PTPRT: variants seen among roughly 807,000 people sequenced by gnomAD.
PTPRT encodes the protein receptor-type tyrosine-protein phosphatase T.
In PTPRT, 56 loss-of-function variants were observed where a neutral mutation model predicts 176.8. That is an observed-to-expected ratio of 0.32 (90% CI 0.26 to 0.40). The LOEUF is 0.40. Ranked by LOEUF, PTPRT falls within the 10% of genes least tolerant of loss-of-function variation. The pLI, the probability that PTPRT is intolerant of heterozygous loss-of-function variation, is 1.00. For synonymous variants in PTPRT, 783 were observed against 739.0 expected (o/e 1.06, Z -0.96); for missense variants, 1,540 against 1,908.2 (o/e 0.81, Z 3.60).
At chr20:42,713,052 T>C (rs1163722817) in intron 6 of PTPRT, among the ~76,000 whole-genome samples, 1 of 152,072 alleles carries the variant, frequency 6.6e-6, no homozygotes, top group Non-Finnish European at 1.5e-5. Flanking sequence ...CTACAATTTA[T>C]GTAAGAAAAA....
At chr20:42,679,246 C>T (rs1046454317) in intron 6 of PTPRT, among the ~76,000 whole-genome samples, 14 of 151,870 alleles carry the variant, frequency 9.2e-5, no homozygotes, top group Non-Finnish European at 1.9e-4. Flanking sequence ...AAATCTCACA[C>T]GTATCATTCA....
chr20:42,733,318 C>T (rs2076490666), intron 6 of PTPRT, among the ~76,000 whole-genome samples: 1 of 152,178 alleles, frequency 6.6e-6, no homozygotes, highest in South Asian at 2.1e-4. Flanking sequence ...TCTTCTGAAA[C>T]ACGGGCTCAT....
chr20:42,905,488 C>A (rs541448566), intron 1 of PTPRT, among the ~76,000 whole-genome samples: 6 of 152,290 alleles, frequency 3.9e-5, no homozygotes, highest in African/African-American at 1.4e-4. Context: ...ATTAGTTCAA[C>A]CATTGTGGAA....
At chr20:42,843,563 G>A (rs967487583) in intron 2 of PTPRT, among the ~76,000 whole-genome samples, 6 of 152,224 alleles carry the variant, frequency 3.9e-5, no homozygotes, top group African/African-American at 1.4e-4. Context: ...GATAACCTCT[G>A]GTGGCCTGAA....
intron 1 of PTPRT, among the ~76,000 whole-genome samples, chr20:43,020,721 T>C (rs143260460): frequency 1.3e-3 from 197 of 152,288 alleles, no homozygotes; most frequent in Non-Finnish European, 2.2e-3. Context: ...ATTAAACTTA[T>C]TTATGTTTTG....
chr20:42,172,207 G>A (rs1990106898), intron 16 of PTPRT, among the ~76,000 whole-genome samples: 1 of 152,002 alleles, frequency 6.6e-6, no homozygotes, highest in Non-Finnish European at 1.5e-5. Context: ...TAGAAAGAAA[G>A]TAAATATGTA....
chr20:42,798,748 G>C lies in PTPRT; in HGVS notation c.215-7282C>G, dbSNP rs186607947. On this transcript the variant is annotated intron_variant, in intron 2 of 30. Transcript: ENST00000373187. ...ATTTCTGTAACCATTCATTCAGACC[G>C]GTAAGTTGGGGTTTCAGCATTTCAT... Among the ~76,000 whole-genome samples, 381 of 152,192 alleles carry C rather than the reference G, an allele frequency of 2.5e-3. 1 individual carries two copies. Among genetic ancestry groups the C allele is most frequent in the Non-Finnish European group, 4.2e-3 (288 of 67,986 alleles).
chr20:42,113,727 T>C (rs1206597497), intron 22 of PTPRT, among the ~76,000 whole-genome samples: 1 of 152,240 alleles, frequency 6.6e-6, no homozygotes, highest in Non-Finnish European at 1.5e-5. Context: ...GAATTTCTCC[T>C]GGGAGAGCTC....
At chr20:42,287,424 G>A (rs2057248832) in intron 12 of PTPRT, among the ~76,000 whole-genome samples, 1 of 151,936 alleles carries the variant, frequency 6.6e-6, no homozygotes, top group Admixed American at 6.6e-5. Context: ...CCAGTCATTT[G>A]TGGCAACATA....
chr20:42,184,513 C>CTTCTTCTTCTTCT (rs1990648463), intron 16 of PTPRT, among the ~76,000 whole-genome samples: 1 of 140,066 alleles, frequency 7.1e-6, no homozygotes, highest in Non-Finnish European at 1.6e-5. Flanking sequence ...CCTCCTCCTC[C>CTTCTTCTTCTTCT]TCCTCCTTCT....
At chr20:42,147,785 C>T (rs35188982) in intron 17 of PTPRT, among the ~76,000 whole-genome samples, 3 of 152,196 alleles carry the variant, frequency 2.0e-5, no homozygotes, top group African/African-American at 4.8e-5. Flanking sequence ...TGAAGGGGAC[C>T]GAGTAGGCCT....
At chr20:42,136,030 C>T (rs1246077932) in intron 18 of PTPRT, among the ~76,000 whole-genome samples, 1 of 152,042 alleles carries the variant, frequency 6.6e-6, no homozygotes, top group Admixed American at 6.6e-5. Context: ...CTCTTTCATA[C>T]AGTTCTAACT....
chr20:42,379,901 G>T (rs928786432), intron 9 of PTPRT, among the ~76,000 whole-genome samples: 1 of 152,156 alleles, frequency 6.6e-6, no homozygotes, highest in African/African-American at 2.4e-5. Flanking sequence ...GGCAGTCAGA[G>T]CATTTTCTCA....
At position 42,118,569 on chromosome 20, in the gene PTPRT, C is replaced by A; in HGVS notation, c.2885-69G>T. On this transcript the variant is annotated intron_variant, in intron 20 of 30. Coordinates refer to ENST00000373187, the MANE Select transcript of PTPRT (RefSeq NM_007050.6). ...AGCAGCAGCTGAGAAGGTTTGTCCC[C>A]CCGGTTGGTCAAGTCTCCACACTGG... is the stretch of plus-strand genomic sequence containing the variant. 9 of 1,412,332 alleles carry A rather than the reference C, an allele frequency of 6.4e-6. No individual in the cohort carries two copies. The South Asian group carries it at 1.2e-4, about 19-fold the overall frequency. The allele number at this position is 1,412,332 out of a possible 1,614,324, so 87.5% of individuals were successfully genotyped here.
intron 7 of PTPRT, among the ~76,000 whole-genome samples, chr20:42,500,825 C>T (rs1388823503): frequency 6.6e-6 from 1 of 152,132 alleles, no homozygotes; most frequent in Non-Finnish European, 1.5e-5. Context: ...ATTTTATGCA[C>T]TTAGGCAGCT....
intron 15 of PTPRT, among the ~76,000 whole-genome samples, chr20:42,199,794 G>A (rs1230941151): frequency 6.6e-6 from 1 of 152,106 alleles, no homozygotes; most frequent in East Asian, 1.9e-4. Context: ...GTCTTTCTCA[G>A]GAACTGAGCT....
chr20:42,033,243 C>T, the PTPRT span, among the ~76,000 whole-genome samples: 3 of 152,162 alleles, frequency 2.0e-5, no homozygotes, highest in Non-Finnish European at 4.4e-5. Flanking sequence ...CTTGGAATTT[C>T]GAATCCTTTA....
chr20:43,088,739 TA>T (rs1174998160), intron 1 of PTPRT, among the ~76,000 whole-genome samples: 2 of 152,158 alleles, frequency 1.3e-5, no homozygotes, highest in African/African-American at 4.8e-5. Context: ...CCTTGCTTGT[TA>T]CCAGTGGATC....
intron 11 of PTPRT, among the ~76,000 whole-genome samples, chr20:42,339,756 T>A (rs2058086924): frequency 1.3e-5 from 2 of 152,214 alleles, no homozygotes. Context: ...TTCATTAAAG[T>A]TTGGAAACCT....
Sources: allele counts gnomAD v4.1 joint callset (sites outside exome capture counted in the v4.1 genomes callset), GRCh38; gene constraint gnomAD v4.1.1; transcripts MANE v1.5; gene names NCBI Gene and HGNC (gene_info 2026-07-23, HGNC 2026-07-21).